LAMA1: variants seen among roughly 807,000 people sequenced by gnomAD.
LAMA1 encodes laminin subunit alpha-1.
Under a neutral mutation model 348.7 loss-of-function variants are expected in LAMA1, and 219 were observed. That is an observed-to-expected ratio of 0.63 (90% CI 0.56 to 0.70). The LOEUF is 0.70. Ranked by LOEUF, LAMA1 falls within the 30% of genes least tolerant of loss-of-function variation. LAMA1 has a pLI of 0.00. For synonymous variants in LAMA1, 1,487 were observed against 1,491.0 expected (o/e 1.00, Z 0.06); for missense variants, 3,744 against 3,888.0 (o/e 0.96, Z 0.99).
At position 6,975,098 on chromosome 18, in the gene LAMA1, A is replaced by G. The variant is rs904920612; in HGVS notation, c.6490-62T>C. On this transcript the variant is annotated intron_variant, in intron 45 of 62. Coordinates refer to ENST00000389658, the MANE Select transcript of LAMA1 (RefSeq NM_005559.4). ...ACTGGACTGTTTGCTGACCACCACA[A>G]CACTTTACAGAGTCAATTCTTACGG... is the stretch of plus-strand genomic sequence containing the variant. 240 of 1,572,490 alleles carry G rather than the reference A, an allele frequency of 1.5e-4. 2 individuals carry two copies. Among genetic ancestry groups the G allele is most frequent in the Middle Eastern group, 1.7e-4 (1 of 5,982 alleles).
intron 41 of LAMA1, among the ~76,000 whole-genome samples, chr18:6,982,092 T>A (rs975657449): frequency 6.6e-5 from 10 of 152,114 alleles, no homozygotes; most frequent in African/African-American, 2.4e-4. Flanking sequence ...TAATATGATA[T>A]TAGTTCCATG....
At chr18:7,035,409 G>A (rs1179311453) in intron 13 of LAMA1, among the ~76,000 whole-genome samples, 2 of 151,834 alleles carry the variant, frequency 1.3e-5, no homozygotes, top group African/African-American at 4.8e-5. Context: ...GCAAAAATTT[G>A]TCTCCTTTTT....
In LAMA1 at chr18:6,958,601, C is replaced by T. The variant is rs1253172423; in HGVS notation, c.7840G>A (p.Glu2614Lys). 6.2e-7 allele frequency: 1 copy of T among 1,614,198 alleles called. No individual in the cohort carries two copies. Among genetic ancestry groups the T allele is most frequent in the Non-Finnish European group, 8.5e-7 (1 of 1,180,020 alleles). The change falls in exon 55 of 63, where the codon GAA becomes AAA. Residue 2614 changes from glutamate (E) to lysine (K), a missense_variant. By Grantham distance (56) the Glu-to-Lys change is moderately conservative. Coordinates refer to ENST00000389658, the MANE Select transcript of LAMA1 (RefSeq NM_005559.4). ...TTGGACACATTTATCGTCCTGCTTT[C>T]TACTAATGTGCCCAACTTCATTTCC... ...PVEMKLGTLV[E>K]SRTINVSNLY... is the part of the protein sequence containing the mutation.
intron 58 of LAMA1, among the ~76,000 whole-genome samples, chr18:6,949,740 T>C (rs1028399354): frequency 6.6e-6 from 1 of 152,164 alleles, no homozygotes; most frequent in Non-Finnish European, 1.5e-5. Context: ...AAAACAAAGA[T>C]GGTTAACAGT....
chr18:6,972,041 C>A, intron 47 of LAMA1, 60 bp from the exon 48 acceptor site: 1 of 1,599,212 alleles, frequency 6.3e-7, no homozygotes. Flanking sequence ...AAAATACATT[C>A]TCCAAGTGCA....
At chr18:6,989,778 A>G (rs1330316290) in intron 36 of LAMA1, among the ~76,000 whole-genome samples, 1 of 151,994 alleles carries the variant, frequency 6.6e-6, no homozygotes, top group Non-Finnish European at 1.5e-5. Context: ...GGAACCACGC[A>G]CTCTGGAGGC....
At chr18:7,011,220 G>C in intron 25 of LAMA1, 80 bp downstream of exon 25, 1 of 1,475,224 alleles carries the variant, frequency 6.8e-7, no homozygotes, top group East Asian at 2.4e-5. Context: ...TGACAGGCCG[G>C]CCCAGACTAT....
chr18:6,948,984 C>A, intron 59 of LAMA1, 117 bp downstream of exon 59: 4 of 1,348,490 alleles, frequency 3.0e-6, no homozygotes, highest in Non-Finnish European at 4.1e-6. Flanking sequence ...AACCTCTTCA[C>A]AAGCCCCAGG....
At position 6,941,822 on chromosome 18, in the gene LAMA1, G is replaced by T; in HGVS notation, c.*257C>A. The T allele has an allele frequency of 2.1e-6, 1 of 479,632 alleles. No individual in the cohort carries two copies. Among genetic ancestry groups the T allele is most frequent in the Non-Finnish European group, 3.8e-6 (1 of 264,750 alleles). 29.7% of individuals were successfully genotyped at this position (479,632 alleles called of 1,614,324 possible). On this transcript the variant is annotated 3_prime_UTR_variant, in exon 63 of 63. Coordinates refer to ENST00000389658, the MANE Select transcript of LAMA1 (RefSeq NM_005559.4). ...ATAAAATACTATCAAGTAATCAACA[G>T]AACATTCAATGTGTATAAAGATTTT...
intron 30 of LAMA1, among the ~76,000 whole-genome samples, chr18:7,000,444 G>A (rs540899883): frequency 2.6e-5 from 4 of 152,362 alleles, no homozygotes; most frequent in African/African-American, 7.2e-5. Context: ...AACGAAAGGC[G>A]AGGAAGGAAA....
At chr18:6,989,745 GT>G (rs1188860848) in intron 36 of LAMA1, among the ~76,000 whole-genome samples, 1 of 152,144 alleles carries the variant, frequency 6.6e-6, no homozygotes, top group African/African-American at 2.4e-5. Context: ...CTCCTTTCAG[GT>G]CTCTCCAACC....
At position 6,948,401 on chromosome 18, in the gene LAMA1, A is replaced by G. The variant is rs2057531593; in HGVS notation, c.8710+2T>C. 6.2e-7 allele frequency: 1 copy of G among 1,614,216 alleles called. No individual in the cohort carries two copies. Among genetic ancestry groups the G allele is most frequent in the Non-Finnish European group, 8.5e-7 (1 of 1,180,050 alleles). ...GCCTTCGAGAGTGTTGCTAACACAT[A>G]CCAAGAGCTGCATATCCGCTTCCGT... On this transcript the variant is annotated splice_donor_variant, in intron 60 of 62. Coordinates refer to ENST00000389658, the MANE Select transcript of LAMA1 (RefSeq NM_005559.4). LOFTEE classifies it high-confidence loss of function.
At chr18:7,004,156 T>C (rs1323412020) in intron 29 of LAMA1, among the ~76,000 whole-genome samples, 1 of 152,108 alleles carries the variant, frequency 6.6e-6, no homozygotes, top group African/African-American at 2.4e-5. Context: ...GACCCCCTAA[T>C]GAGAACCAAA....
chr18:6,958,506 G>T lies in LAMA1; in HGVS notation c.7935C>A (p.Gly2645=), dbSNP rs1487766673. ...AATTGAAGATCAGGTTTTTGATACAGCCATGGAACGATCTTCTCATTGTGA... is the reference window on the plus strand; with the variant it reads ...AATTGAAGATCAGGTTTTTGATACATCCATGGAACGATCTTCTCATTGTGA... ...SLLTMRRSFH[G]CIKNLIFNLE... Residue 2645 remains glycine, a synonymous_variant, in exon 55 of 63, where the codon GGC becomes GGA. Coordinates refer to ENST00000389658, the MANE Select transcript of LAMA1 (RefSeq NM_005559.4). 8.7e-6 allele frequency: 14 copies of T among 1,614,042 alleles called. No homozygotes were observed. Among genetic ancestry groups the T allele is most frequent in the Non-Finnish European group, 1.2e-5 (14 of 1,180,042 alleles).
chr18:7,037,774 T>C, intron 11 of LAMA1, 23 bp from the exon 12 acceptor site: 4 of 1,612,930 alleles, frequency 2.5e-6, no homozygotes, highest in Non-Finnish European at 3.4e-6. Context: ...TTCAAGAATT[T>C]TGAAGTATGA....
At chr18:7,009,667 T>C (rs1400768954) in intron 26 of LAMA1, among the ~76,000 whole-genome samples, 1 of 152,184 alleles carries the variant, frequency 6.6e-6, no homozygotes, top group African/African-American at 2.4e-5. Flanking sequence ...CCTGTACCAC[T>C]ATCTCTATGC....
In LAMA1 at chr18:6,950,413, C is replaced by A. The variant is rs138111302; in HGVS notation, c.8397+369G>T. ...AACAACCCAGCTGGCCGATTACAGG[C>A]ACAGGTAAAGCGTGCTGCACACCAG... On this transcript the variant is annotated intron_variant, in intron 58 of 62. Transcript: ENST00000389658. 8.5e-4 allele frequency among the ~76,000 whole-genome samples: 129 copies of A among 152,336 alleles called. 2 individuals are homozygous for A. The highest frequency in any genetic ancestry group is 3.0e-3 in the African/African-American group (126 of 41,572).
At chr18:7,106,740 AT>A (rs1435355568) in intron 1 of LAMA1, among the ~76,000 whole-genome samples, 1 of 151,922 alleles carries the variant, frequency 6.6e-6, no homozygotes, top group African/African-American at 2.4e-5. Flanking sequence ...AGACCTGGGT[AT>A]TGATATTATT....
In LAMA1 at chr18:6,942,233, A is replaced by G. The variant is rs2057501828; in HGVS notation, c.9074T>C (p.Val3025Ala). The change falls in exon 63 of 63, where the codon GTG becomes GCG. Residue 3025 changes from valine (V) to alanine (A), a missense_variant. Val to Ala is a moderately conservative substitution (Grantham distance 64, BLOSUM62 0). Around this residue, in one of 3 missense-constraint regions of LAMA1, gnomAD observed 232 missense variants for 264.4 expected, o/e 0.88. Transcript: ENST00000389658. ...CTGGCTGCGCAGGCATTTTTGCTTC[A>G]CACCAGCTGTTCAGGAAAGAAGAGA... is the stretch of plus-strand genomic sequence containing the variant. ...PIYVGGYPAGVKQKCLRSQTS... is the reference protein window; with the variant it reads ...PIYVGGYPAGAKQKCLRSQTS... The G allele has an allele frequency of 3.7e-6, 6 of 1,613,964 alleles. No homozygotes were observed. Among genetic ancestry groups the G allele is most frequent in the Non-Finnish European group, 5.1e-6 (6 of 1,180,040 alleles).
Sources: gnomAD v4.1 joint callset for allele counts (sites outside exome capture counted in the v4.1 genomes callset) on GRCh38, gnomAD v4.1.1 for gene constraint, gnomAD v4.1.1 regional missense constraint, MANE v1.5 for transcripts, NCBI Gene and HGNC (gene_info 2026-07-23, HGNC 2026-07-21) for gene names.